Variants in MAST3 observed in about 807,000 individuals in gnomAD.
MAST3 encodes microtubule-associated serine/threonine-protein kinase 3.
A neutral mutation model predicts 127.0 loss-of-function variants in MAST3; 43 were observed. The ratio of observed to expected loss-of-function variants is 0.34; its 90% CI spans 0.27 to 0.44. MAST3 has a LOEUF of 0.44. MAST3 is among the 20% of genes least tolerant of loss of function. The pLI, the probability that MAST3 is intolerant of heterozygous loss-of-function variation, is 1.00. For missense variants in MAST3, 1,390 were observed against 1,919.1 expected (o/e 0.72, Z 5.15); for synonymous variants, 785 against 809.2 (o/e 0.97, Z 0.51).
chr19:18,140,896 C>T (rs1352623507), intron 20 of MAST3, among the ~76,000 whole-genome samples: 1 of 152,058 alleles, frequency 6.6e-6, no homozygotes, highest in African/African-American at 2.4e-5. Flanking sequence ...TGGGTTCAAG[C>T]GATTCTCCTG....
chr19:18,106,540 CTTATTTATTTATTTATTTAT>C (rs143547108), intron 1 of MAST3, among the ~76,000 whole-genome samples: 8 of 136,012 alleles, frequency 5.9e-5, no homozygotes, highest in African/African-American at 1.4e-4. Context: ...CTTGGCCCTT[CTTATTTATTTATTTATTTAT>C]TTATTTATTT....
rs534205037 is a variant in MAST3, at chr19:18,128,298, A to G, written c.1079-102A>G. 1.0e-5 allele frequency: 9 copies of G among 881,302 alleles called. No homozygotes were observed. In the African/African-American group the frequency reaches 1.3e-4, roughly 13 times the overall value. 54.6% of individuals were successfully genotyped at this position (881,302 alleles called of 1,614,324 possible). ...GAGAGCTGGTCAGGGGAGGCACTGCATCCCCAGCCTGGGGTGAGAACTCTA... is the reference window on the plus strand; with the variant it reads ...GAGAGCTGGTCAGGGGAGGCACTGCGTCCCCAGCCTGGGGTGAGAACTCTA... On this transcript the variant is annotated intron_variant, in intron 11 of 27. Transcript: ENST00000687212.
At chr19:18,130,016 G>C (rs1447209777) in intron 13 of MAST3, among the ~76,000 whole-genome samples, 1 of 151,244 alleles carries the variant, frequency 6.6e-6, no homozygotes, top group African/African-American at 2.4e-5. Context: ...TTGGGAGCCC[G>C]AAGTGGGAGG....
chr19:18,131,897 C>T lies in MAST3; in HGVS notation c.1433-12C>T. 6.4e-7 allele frequency: 1 copy of T among 1,565,874 alleles called. No individual in the cohort carries two copies. The highest frequency in any genetic ancestry group is 1.2e-5 in the South Asian group (1 of 86,346). ...GCCCCGGGCCTCATGACTACATCCG[C>T]CCTTCTCCCAGGCGGCGACTGCGCC... On this transcript the variant is annotated splice_polypyrimidine_tract_variant and intron_variant, in intron 14 of 27. Transcript: ENST00000687212.
At chr19:18,139,232 G>A (rs2042191797) in intron 20 of MAST3, 108 bp downstream of exon 20, 2 of 827,756 alleles carry the variant, frequency 2.4e-6, no homozygotes, top group African/African-American at 3.4e-5. Context: ...GTAGAGATGA[G>A]GTCTTGCTAT....
chr19:18,110,774 C>T lies in MAST3; in HGVS notation c.161+33C>T. On this transcript the variant is annotated intron_variant, in intron 3 of 27. Coordinates refer to ENST00000687212, the MANE Select transcript of MAST3 (RefSeq NM_001393504.1). The surrounding 1 kb of genome is among the most constrained non-coding windows in gnomAD (Gnocchi z 4.3). ...ACAGCGCGTGTGGGCGGGGCGCAGA[C>T]ATCGCCCTGGCACCCCAGAGCCTTG... The T allele has an allele frequency of 2.1e-6, 2 of 958,582 alleles. No homozygotes were observed. Among genetic ancestry groups the T allele is most frequent in the Non-Finnish European group, 1.2e-6 (1 of 805,120 alleles). The allele number at this position is 958,582 out of a possible 1,614,324, so 59.4% of individuals were successfully genotyped here. A position where few individuals can be genotyped will look rare whatever the true frequency, so the allele number is the denominator to read the frequency against.
At position 18,145,192 on chromosome 19, in the gene MAST3, G is replaced by A; in HGVS notation, c.3002G>A (p.Gly1001Asp). 1.2e-6 allele frequency: 2 copies of A among 1,613,872 alleles called. No individual in the cohort carries two copies. The highest frequency in any genetic ancestry group is 1.7e-6 in the Non-Finnish European group (2 of 1,179,866). The change falls in exon 24 of 28, where the codon GGT becomes GAT. Residue 1001 changes from glycine (G) to aspartate (D), a missense_variant. Around this residue, in one of 5 missense-constraint regions of MAST3, gnomAD observed 816 missense variants for 934.1 expected, o/e 0.87. Transcript: ENST00000687212. This position sits in a 1 kb window ranked among gnomAD's most constrained non-coding sequence, Gnocchi z 5.9. ...FSLRAIRVYM[G>D]DSDVYTVHHV... ...CTGCGGGCGATCCGCGTCTACATGG[G>A]TGATAGCGACGTCTACACTGTGCAC... is the stretch of plus-strand genomic sequence containing the variant.
Position 18,135,779 on chromosome 19 carries a change from C to T in MAST3, c.1910C>T (p.Ala637Val). The T allele has an allele frequency of 6.2e-7, 1 of 1,612,232 alleles. No homozygotes were observed. Among genetic ancestry groups the T allele is most frequent in the African/African-American group, 1.3e-5 (1 of 75,022 alleles). ...MWPEGDEALP[A>V]DAQDLITRLL... ...CCAGAGGGAGATGAGGCCCTTCCAGCAGACGCCCAGGACCTCATCACCAGG... is the reference window on the plus strand; with the variant it reads ...CCAGAGGGAGATGAGGCCCTTCCAGTAGACGCCCAGGACCTCATCACCAGG... Residue 637 changes from alanine to valine, a missense_variant, in exon 18 of 28, where the codon GCA becomes GTA. By Grantham distance (64) the Ala-to-Val change is moderately conservative. This residue lies in a region of MAST3 where 191 missense variants were observed against 409.0 expected (regional missense o/e 0.47). Coordinates refer to ENST00000687212, the MANE Select transcript of MAST3 (RefSeq NM_001393504.1).
intron 1 of MAST3, among the ~76,000 whole-genome samples, chr19:18,099,976 G>A (rs1264233158): frequency 4.6e-5 from 7 of 152,110 alleles, no homozygotes; most frequent in Admixed American, 4.6e-4. Context: ...AGACTCCTCT[G>A]GAGGGCTAGG....
At chr19:18,118,397 C>A in intron 3 of MAST3, 1 of 320,206 alleles carries the variant, frequency 3.1e-6, no homozygotes, top group Non-Finnish European at 4.5e-6. Context: ...GCCTGTGGAT[C>A]GAGGTGTCCC....
chr19:18,123,672 G>A lies in MAST3; in HGVS notation c.633+17G>A, dbSNP rs775470975. ...TTCCCCAAGGTGGGCAGCGCCTGGC[G>A]GCTGGACCAGCCCCTGCACTTCTTT... On this transcript the variant is annotated intron_variant, in intron 8 of 27. Transcript: ENST00000687212. 6.6e-5 allele frequency: 102 copies of A among 1,539,264 alleles called. No individual in the cohort carries two copies. In the South Asian group the frequency reaches 9.2e-4, roughly 14 times the overall value.
intron 2 of MAST3, among the ~76,000 whole-genome samples, chr19:18,108,243 T>G (rs2146891378): frequency 6.6e-6 from 1 of 151,242 alleles, no homozygotes; most frequent in African/African-American, 2.4e-5. Context: ...TGAACCAGGC[T>G]CCCACCACCA....
chr19:18,100,383 C>T (rs2037492829), intron 1 of MAST3, among the ~76,000 whole-genome samples: 1 of 151,946 alleles, frequency 6.6e-6, no homozygotes. Context: ...ACCTCGGCCT[C>T]CCAAAGTGCT....
intron 5 of MAST3, among the ~76,000 whole-genome samples, 200 bp from the exon 6 acceptor site, chr19:18,122,473 C>CGG (rs55849352): frequency 9.3e-4 from 140 of 149,988 alleles, no homozygotes; most frequent in African/African-American, 2.8e-3. Flanking sequence ...GCTGGACTCA[C>CGG]GGGGGGGCTT....
intron 3 of MAST3, among the ~76,000 whole-genome samples, chr19:18,114,790 G>A (rs952273801): frequency 8.5e-5 from 13 of 152,118 alleles, no homozygotes; most frequent in Admixed American, 7.2e-4. Context: ...CAACAGCATC[G>A]TCAGAGACAC....
Position 18,144,257 on chromosome 19 carries a change from G to C in MAST3, c.2585-209G>C, listed in dbSNP as rs1266626614. On this transcript the variant is annotated intron_variant, in intron 22 of 27. Coordinates refer to ENST00000687212, the MANE Select transcript of MAST3 (RefSeq NM_001393504.1). This position sits in a 1 kb window ranked among gnomAD's most constrained non-coding sequence, Gnocchi z 4.0. ...ATGGGGGAACTAAGGGTCTAAATGG[G>C]TGTGGAGGAAGGCTTCCTGGAGGAG... Among the ~76,000 whole-genome samples the C allele has an allele frequency of 6.6e-6, 1 of 152,206 alleles. No individual in the cohort carries two copies. Among genetic ancestry groups the C allele is most frequent in the African/African-American group, 2.4e-5 (1 of 41,456 alleles).
intron 3 of MAST3, among the ~76,000 whole-genome samples, chr19:18,111,134 C>T (rs2038557484): frequency 6.6e-6 from 1 of 152,110 alleles, no homozygotes; most frequent in Admixed American, 6.5e-5. Context: ...AGGCCACCAA[C>T]GAGAGCCCTG....
chr19:18,137,779 T>A (rs537186669), intron 19 of MAST3, among the ~76,000 whole-genome samples: 1 of 152,286 alleles, frequency 6.6e-6, no homozygotes, highest in African/African-American at 2.4e-5. Flanking sequence ...GAGGAATGAC[T>A]CTCTCTCTCC....
chr19:18,118,167 T>A (rs1174633278), intron 3 of MAST3: 1 of 985,172 alleles, frequency 1.0e-6, no homozygotes, highest in Non-Finnish European at 1.2e-6. Context: ...GGAAGCAGCA[T>A]GTCCGACCCC....
Sources: gnomAD v4.1 joint callset for allele counts (sites outside exome capture counted in the v4.1 genomes callset) on GRCh38, gnomAD v4.1.1 for gene constraint, gnomAD v4.1.1 regional missense constraint, Gnocchi (gnomAD v3.1) non-coding constraint, MANE v1.5 for transcripts, NCBI Gene and HGNC (gene_info 2026-07-23, HGNC 2026-07-21) for gene names.